Variants in AXDND1 observed in about 807,000 individuals in gnomAD.
The protein encoded by AXDND1 is axonemal dynein light chain domain-containing protein 1.
A neutral mutation model predicts 137.5 loss-of-function variants in AXDND1; 110 were observed. The observed-to-expected ratio is 0.80, with a 90% CI of 0.69 to 0.94. The LOEUF (loss-of-function observed/expected upper bound fraction) is 0.94, where lower values mean the gene tolerates loss of function less well. Among genes scored for constraint, AXDND1 ranks in the 40% least tolerant of loss-of-function variants. The probability of loss-of-function intolerance (pLI) is 0.00; values close to 1 mark genes in which losing one functional copy is unlikely to be tolerated. For synonymous variants in AXDND1, 414 were observed against 399.7 expected (o/e 1.04, Z -0.43); for missense variants, 1,191 against 1,169.8 (o/e 1.02, Z -0.26).
At chr1:179,476,320 C>T (rs1025387728) in intron 17 of AXDND1, among the ~76,000 whole-genome samples, 1 of 152,196 alleles carries the variant, frequency 6.6e-6, no homozygotes, top group Non-Finnish European at 1.5e-5. Context: ...ACATATATTA[C>T]ATTTTTATGT....
intron 20 of AXDND1, among the ~76,000 whole-genome samples, chr1:179,496,667 C>T (rs926766337): frequency 4.0e-5 from 6 of 151,880 alleles, no homozygotes; most frequent in Non-Finnish European, 8.8e-5. Flanking sequence ...ATTGATTTTT[C>T]TCCACAATTT....
chr1:179,429,049 T>C (rs1657001005), intron 12 of AXDND1, among the ~76,000 whole-genome samples: 1 of 151,858 alleles, frequency 6.6e-6, no homozygotes, highest in South Asian at 2.1e-4. Flanking sequence ...TCGTGGTGGG[T>C]GCCTGTAGTC....
chr1:179,446,505 G>C (rs111606182), intron 16 of AXDND1, among the ~76,000 whole-genome samples: 2,756 of 152,318 alleles, frequency 0.018, 69 homozygotes, highest in African/African-American at 0.061. Flanking sequence ...TTGGTACACT[G>C]TGTCTACAGA....
intron 21 of AXDND1, among the ~76,000 whole-genome samples, chr1:179,511,521 A>G (rs573942475): frequency 6.6e-6 from 1 of 152,082 alleles, no homozygotes; most frequent in Admixed American, 6.5e-5. Flanking sequence ...TGCTATAAAC[A>G]TGCGTGTGCA....
At chr1:179,511,156 G>A (rs1669008877) in intron 21 of AXDND1, among the ~76,000 whole-genome samples, 1 of 151,378 alleles carries the variant, frequency 6.6e-6, no homozygotes, top group Non-Finnish European at 1.5e-5. Flanking sequence ...GACAGAGTGA[G>A]ACTCTGTCCC....
At chr1:179,515,711 A>G (rs994204261) in intron 21 of AXDND1, among the ~76,000 whole-genome samples, 1 of 152,118 alleles carries the variant, frequency 6.6e-6, no homozygotes, top group African/African-American at 2.4e-5. Context: ...AACATCAATT[A>G]TTCTTTTTTT....
chr1:179,385,255 T>A lies in AXDND1; in HGVS notation c.759T>A (p.His253Gln), dbSNP rs757180091. Residue 253 changes from histidine to glutamine, a missense_variant, in exon 9 of 26, where the codon CAT becomes CAA. Physicochemically the swap from His to Gln is conservative, Grantham distance 24. Coordinates refer to ENST00000367618, the MANE Select transcript of AXDND1 (RefSeq NM_144696.6). ...TCTGACAGATGCACAAACTACTACATATATTGAAGAAGGAACAGACCATTT... is the reference window on the plus strand; with the variant it reads ...TCTGACAGATGCACAAACTACTACAAATATTGAAGAAGGAACAGACCATTT... The part of the protein sequence containing the change: ...TGPTKMHKLL[H>Q]ILKKEQTIYN... The A allele has an allele frequency of 6.2e-7, 1 of 1,609,980 alleles. No homozygotes were observed. Among genetic ancestry groups the A allele is most frequent in the South Asian group, 1.1e-5 (1 of 90,986 alleles).
At chr1:179,438,900 C>T (rs931585160) in intron 15 of AXDND1, among the ~76,000 whole-genome samples, 1 of 152,002 alleles carries the variant, frequency 6.6e-6, no homozygotes, top group Non-Finnish European at 1.5e-5. Flanking sequence ...CCTTCTATAT[C>T]GTCTCTTGAA....
chr1:179,522,738 TAA>T (rs1333102726), intron 21 of AXDND1, among the ~76,000 whole-genome samples: 1 of 151,684 alleles, frequency 6.6e-6, no homozygotes, highest in African/African-American at 2.4e-5. Context: ...CTCTGAGAGT[TAA>T]GATTCTTAAT....
rs1022449705 is a variant in AXDND1 at position 179,448,203 on chromosome 1, A to G, written c.1798+2999A>G. 15 of 859,076 alleles carry G rather than the reference A, an allele frequency of 1.7e-5. No individual in the cohort carries two copies. The African/African-American group carries it at 2.1e-4, about 12-fold the overall frequency. The allele number at this position is 859,076 out of a possible 1,614,324, so 53.2% of individuals were successfully genotyped here. On this transcript the variant is annotated intron_variant, in intron 16 of 25. Transcript: ENST00000367618. The stretch of plus-strand genomic sequence containing the variant: ...TTCCTTCTTGTTCAGAGCCTCAACA[A>G]TATCTGAGCTGGTTGTGCTTTCATA...
chr1:179,484,201 A>C (rs1220373446), intron 18 of AXDND1, among the ~76,000 whole-genome samples: 2 of 152,182 alleles, frequency 1.3e-5, no homozygotes, highest in Non-Finnish European at 2.9e-5. Flanking sequence ...CAGGACCCCC[A>C]CAGTCACTTG....
At chr1:179,433,491 G>T (rs568906104) in intron 15 of AXDND1, among the ~76,000 whole-genome samples, 1 of 152,172 alleles carries the variant, frequency 6.6e-6, no homozygotes, top group Non-Finnish European at 1.5e-5. Flanking sequence ...GTTTTCTGAT[G>T]TGGGCATTTA....
At chr1:179,457,241 TCTC>T (rs1661540493) in intron 16 of AXDND1, 1 of 709,570 alleles carries the variant, frequency 1.4e-6, no homozygotes, top group African/African-American at 1.7e-5. Flanking sequence ...CAAAATGGCT[TCTC>T]AGGCTCTCGT....
intron 2 of AXDND1, among the ~76,000 whole-genome samples, chr1:179,366,858 C>G (rs1446932357): frequency 6.6e-6 from 1 of 152,048 alleles, no homozygotes; most frequent in Non-Finnish European, 1.5e-5. Flanking sequence ...TTAAATTCAA[C>G]CTATTTTAAA....
At chr1:179,476,900 T>C (rs1664705726) in intron 17 of AXDND1, among the ~76,000 whole-genome samples, 1 of 152,214 alleles carries the variant, frequency 6.6e-6, no homozygotes, top group South Asian at 2.1e-4. Context: ...TTTCAATAAA[T>C]TTGGAAAGTT....
intron 11 of AXDND1, among the ~76,000 whole-genome samples, chr1:179,397,055 G>C (rs1651179207): frequency 6.6e-6 from 1 of 152,192 alleles, no homozygotes. Context: ...ATGCAGACTT[G>C]TTTGTGTGGT....
At chr1:179,535,025 C>T (rs752043787) in intron 25 of AXDND1, 63 bp downstream of exon 25, 1 of 1,597,720 alleles carries the variant, frequency 6.3e-7, no homozygotes, top group Admixed American at 1.7e-5. Context: ...TTTGACTGGG[C>T]CACAAATATT....
intron 21 of AXDND1, among the ~76,000 whole-genome samples, chr1:179,519,675 T>C (rs1163036216): frequency 6.6e-6 from 1 of 152,204 alleles, no homozygotes; most frequent in Non-Finnish European, 1.5e-5. Context: ...TTTTGTCAGC[T>C]TTGTTGAAGA....
intron 16 of AXDND1, among the ~76,000 whole-genome samples, chr1:179,459,469 T>G (rs1661902202): frequency 6.6e-6 from 1 of 152,188 alleles, no homozygotes; most frequent in African/African-American, 2.4e-5. Context: ...ATTACTTGTT[T>G]AAGGCTTGAG....
Sources: allele counts gnomAD v4.1 joint callset (sites outside exome capture counted in the v4.1 genomes callset), GRCh38; gene constraint gnomAD v4.1.1; transcripts MANE v1.5; gene names NCBI Gene and HGNC (gene_info 2026-07-23, HGNC 2026-07-21).